CTNNA2: variants seen among roughly 807,000 people sequenced by gnomAD.
CTNNA2 encodes catenin alpha 2.
In CTNNA2, 42 loss-of-function variants were observed where a neutral mutation model predicts 101.0. The ratio of observed to expected loss-of-function variants is 0.42; its 90% CI spans 0.32 to 0.54. The LOEUF (loss-of-function observed/expected upper bound fraction) is 0.54, where lower values mean the gene tolerates loss of function less well. Among genes scored for constraint, CTNNA2 ranks in the 20% least tolerant of loss-of-function variants. CTNNA2 has a pLI of 0.14. For synonymous variants in CTNNA2, 450 were observed against 456.4 expected, an observed-to-expected ratio of 0.99 and a Z score of 0.18; for missense variants, 871 against 1,223.1, an observed-to-expected ratio of 0.71 and a Z score of 4.29.
At position 80,380,099 on chromosome 2, in the gene CTNNA2, C is replaced by G. The variant is rs1043007777; in HGVS notation, c.1057-13112C>G. Among the ~76,000 whole-genome samples the G allele has an allele frequency of 7.8e-5, 11 of 141,816 alleles. No homozygotes were observed. In the South Asian group the frequency reaches 2.0e-3, roughly 26 times the overall value. 93.0% of individuals were successfully genotyped at this position (141,816 alleles called of 152,430 possible). ...TCGCCCAGGCTGGAGTGCAGTGGCA[C>G]GATCTCGGCTCACTGCAAGCTCCGC... On this transcript the variant is annotated intron_variant, in intron 7 of 18. Coordinates refer to ENST00000402739, the MANE Select transcript of CTNNA2 (RefSeq NM_001282597.3).
intron 1 of CTNNA2, among the ~76,000 whole-genome samples, chr2:79,605,252 A>T (rs774940029): frequency 7.9e-5 from 12 of 152,160 alleles, no homozygotes; most frequent in Non-Finnish European, 1.6e-4. Flanking sequence ...CCATGATAGG[A>T]GAAGTAGATT....
At chr2:79,432,023 T>C (rs1004207349) in intron 4 of CTNNA2, among the ~76,000 whole-genome samples, 1 of 152,204 alleles carries the variant, frequency 6.6e-6, no homozygotes, top group African/African-American at 2.4e-5. Flanking sequence ...TATAGGTGAC[T>C]TCCAACATGG....
chr2:79,904,617 T>C (rs1685294763), intron 6 of CTNNA2, among the ~76,000 whole-genome samples: 1 of 152,176 alleles, frequency 6.6e-6, no homozygotes, highest in Admixed American at 6.5e-5. Flanking sequence ...TGAATGACCA[T>C]GGGACAACAT....
intron 2 of CTNNA2, among the ~76,000 whole-genome samples, chr2:79,309,621 G>GTAAGAATC (rs138902944): frequency 2.0e-5 from 3 of 151,600 alleles, no homozygotes; most frequent in African/African-American, 7.3e-5. Flanking sequence ...CCATATTTGT[G>GTAAGAATC]TAAGATGAGA....
intron 8 of CTNNA2, among the ~76,000 whole-genome samples, chr2:80,417,433 T>C (rs1463715094): frequency 6.6e-6 from 1 of 151,864 alleles, no homozygotes; most frequent in African/African-American, 2.4e-5. Flanking sequence ...GGTAGCCCTG[T>C]ATTGACTTTT....
At chr2:79,963,067 T>A in intron 7 of CTNNA2, among the ~76,000 whole-genome samples, 1 of 60,696 alleles carries the variant, frequency 1.6e-5, no homozygotes, top group Admixed American at 2.7e-4. Context: ...CCAGACTCCG[T>A]CTCAAAAAAA....
At chr2:80,438,475 CATTT>C (rs1049517369) in intron 9 of CTNNA2, among the ~76,000 whole-genome samples, 2 of 151,352 alleles carry the variant, frequency 1.3e-5, no homozygotes, top group African/African-American at 4.9e-5. Context: ...GAAATACTTT[CATTT>C]GTTTTGAAGG....
At chr2:80,129,984 A>T (rs1702327502) in intron 7 of CTNNA2, among the ~76,000 whole-genome samples, 1 of 152,146 alleles carries the variant, frequency 6.6e-6, no homozygotes, top group Non-Finnish European at 1.5e-5. Context: ...TCAGTGTGGG[A>T]ATTGCTCAGA....
intron 4 of CTNNA2, among the ~76,000 whole-genome samples, chr2:79,464,145 AC>A (rs1333704592): frequency 6.6e-6 from 1 of 152,100 alleles, no homozygotes; most frequent in African/African-American, 2.4e-5. Flanking sequence ...CCATCACCCC[AC>A]GACAGGCCCC....
chr2:79,464,091 G>A (rs982840096), intron 4 of CTNNA2, among the ~76,000 whole-genome samples: 2 of 151,676 alleles, frequency 1.3e-5, no homozygotes, highest in East Asian at 3.9e-4. Flanking sequence ...TCATTAACTT[G>A]TCATTTAACA....
intron 1 of CTNNA2, among the ~76,000 whole-genome samples, chr2:79,595,971 C>T (rs571902193): frequency 6.6e-6 from 1 of 150,782 alleles, no homozygotes; most frequent in African/African-American, 2.4e-5. Flanking sequence ...CCATGTGATA[C>T]TCTTCTCTTT....
At chr2:80,386,929 A>T (rs933666771) in intron 7 of CTNNA2, among the ~76,000 whole-genome samples, 2 of 152,202 alleles carry the variant, frequency 1.3e-5, no homozygotes, top group African/African-American at 4.8e-5. Context: ...GGAAGCACCA[A>T]GATGGTCGAT....
At chr2:80,444,133 T>C (rs1192166490) in intron 9 of CTNNA2, among the ~76,000 whole-genome samples, 1 of 152,202 alleles carries the variant, frequency 6.6e-6, no homozygotes, top group African/African-American at 2.4e-5. Flanking sequence ...AATATTGGGA[T>C]AGATCAAATG....
intron 4 of CTNNA2, among the ~76,000 whole-genome samples, chr2:79,445,259 G>A (rs894020636): frequency 1.3e-5 from 2 of 152,116 alleles, no homozygotes; most frequent in African/African-American, 2.4e-5. Flanking sequence ...CTTTACTAAG[G>A]AGCCTTGCTT....
rs575889996 is a variant in CTNNA2 at position 79,285,164 on chromosome 2, C to A, written c.-405-27545C>A. Among the ~76,000 whole-genome samples the A allele has an allele frequency of 2.2e-4, 34 of 151,828 alleles. 1 individual carries two copies. In the East Asian group the frequency reaches 6.4e-3, roughly 29 times the overall value. On this transcript the variant is annotated intron_variant, in intron 2 of 21. Transcript: ENST00000466387. ...ATTCTTTTTTTCTTTATTAGTCTTG[C>A]TAGCGGTCTATCAATTTTGTTGATC... is the stretch of plus-strand genomic sequence containing the variant.
intron 8 of CTNNA2, among the ~76,000 whole-genome samples, chr2:80,400,552 C>T (rs931237878): frequency 1.3e-5 from 2 of 152,138 alleles, no homozygotes; most frequent in Admixed American, 1.3e-4. Flanking sequence ...GCCCTTGACT[C>T]ATCTTTGTCC....
At chr2:79,852,064 T>C (rs185957649) in intron 3 of CTNNA2, among the ~76,000 whole-genome samples, 1 of 152,248 alleles carries the variant, frequency 6.6e-6, no homozygotes, top group Non-Finnish European at 1.5e-5. Flanking sequence ...AAGAATTCTG[T>C]AATACAGGGA....
At chr2:80,185,256 G>A (rs1323890952) in intron 7 of CTNNA2, among the ~76,000 whole-genome samples, 1 of 152,178 alleles carries the variant, frequency 6.6e-6, no homozygotes, top group African/African-American at 2.4e-5. Context: ...CAAATGGGCT[G>A]CTCTGTAGGT....
chr2:79,369,595 GC>G (rs1391722586), intron 3 of CTNNA2, among the ~76,000 whole-genome samples: 1 of 152,096 alleles, frequency 6.6e-6, no homozygotes, highest in East Asian at 1.9e-4. Context: ...AGGTATCAAT[GC>G]CCTAAATTTC....
Sources: allele counts gnomAD v4.1 joint callset (sites outside exome capture counted in the v4.1 genomes callset), GRCh38; gene constraint gnomAD v4.1.1; transcripts MANE v1.5; gene names NCBI Gene and HGNC (gene_info 2026-07-23, HGNC 2026-07-21).